PLXDC2: variants seen among roughly 807,000 people sequenced by gnomAD.
PLXDC2 encodes the protein plexin domain containing 2, also known as plexin domain-containing protein 2.
A neutral mutation model predicts 68.9 loss-of-function variants in PLXDC2; 40 were observed. The observed-to-expected ratio is 0.58, with a 90% CI of 0.45 to 0.76. The LOEUF is 0.76. Ranked by LOEUF, PLXDC2 falls within the 30% of genes least tolerant of loss-of-function variation. The probability of loss-of-function intolerance (pLI) is 0.00; values close to 1 mark genes in which losing one functional copy is unlikely to be tolerated. For missense variants in PLXDC2, 644 were observed against 661.9 expected, an observed-to-expected ratio of 0.97 and a Z score of 0.30; for synonymous variants, 243 against 234.2, an observed-to-expected ratio of 1.04 and a Z score of -0.34.
At chr10:19,949,464 AACT>A (rs1310205192) in intron 1 of PLXDC2, among the ~76,000 whole-genome samples, 4 of 152,192 alleles carry the variant, frequency 2.6e-5, no homozygotes, top group East Asian at 1.9e-4. Context: ...GAAAAACTAA[AACT>A]ACTAATAGGA....
chr10:20,131,115 A>C (rs1589645454), intron 4 of PLXDC2, among the ~76,000 whole-genome samples: 4 of 150,838 alleles, frequency 2.7e-5, no homozygotes, highest in Admixed American at 2.6e-4. Flanking sequence ...GGTCCTGAGC[A>C]TCTCTTTGTT....
intron 3 of PLXDC2, among the ~76,000 whole-genome samples, chr10:20,050,545 A>G (rs1303580229): frequency 6.6e-6 from 1 of 152,148 alleles, no homozygotes; most frequent in Non-Finnish European, 1.5e-5. Context: ...GTGGGCAAAG[A>G]CATGAACAGA....
intron 3 of PLXDC2, among the ~76,000 whole-genome samples, chr10:20,047,687 A>G (rs977200612): frequency 6.6e-6 from 1 of 152,140 alleles, no homozygotes; most frequent in African/African-American, 2.4e-5. Flanking sequence ...TAAATAGCCT[A>G]TTCAAGGGCC....
intron 12 of PLXDC2, among the ~76,000 whole-genome samples, chr10:20,234,512 T>C (rs1268714340): frequency 6.6e-6 from 1 of 152,210 alleles, no homozygotes; most frequent in African/African-American, 2.4e-5. Context: ...CAGTGAAATA[T>C]AAGTACCCTG....
chr10:19,850,917 T>C (rs1438730564), intron 1 of PLXDC2, among the ~76,000 whole-genome samples: 1 of 152,180 alleles, frequency 6.6e-6, no homozygotes, highest in African/African-American at 2.4e-5. Flanking sequence ...TGTCATTCAA[T>C]TTGCTTTCAC....
intron 4 of PLXDC2, among the ~76,000 whole-genome samples, chr10:20,095,589 G>A (rs1833339548): frequency 6.6e-6 from 1 of 152,168 alleles, no homozygotes; most frequent in Admixed American, 6.5e-5. Context: ...CCCTGAGGGA[G>A]AGTGGATTAA....
intron 2 of PLXDC2, among the ~76,000 whole-genome samples, chr10:20,011,697 T>C (rs2131644701): frequency 6.6e-6 from 1 of 152,318 alleles, no homozygotes; most frequent in South Asian, 2.1e-4. Flanking sequence ...AATAATGAAT[T>C]GATTGTAGCT....
At chr10:20,154,320 T>C (rs375498617) in intron 6 of PLXDC2, among the ~76,000 whole-genome samples, 2 of 152,192 alleles carry the variant, frequency 1.3e-5, no homozygotes, top group African/African-American at 4.8e-5. Flanking sequence ...ATCCCAGCAC[T>C]TTGGGAGGCC....
intron 1 of PLXDC2, among the ~76,000 whole-genome samples, chr10:19,887,341 C>T (rs1326731615): frequency 2.0e-5 from 3 of 151,978 alleles, no homozygotes; most frequent in African/African-American, 4.8e-5. Flanking sequence ...GCCAATATGG[C>T]AAAACCCTGT....
At chr10:20,052,869 C>T (rs1345404389) in intron 3 of PLXDC2, among the ~76,000 whole-genome samples, 1 of 151,996 alleles carries the variant, frequency 6.6e-6, no homozygotes, top group Non-Finnish European at 1.5e-5. Flanking sequence ...GAAAAGGCAA[C>T]TTCCCACACA....
chr10:19,910,168 T>TTATATATATATATATATA (rs3043811), intron 1 of PLXDC2, among the ~76,000 whole-genome samples: 13 of 145,254 alleles, frequency 8.9e-5, no homozygotes, highest in African/African-American at 3.3e-4. Context: ...TTGTACACTT[T>TTATATATATATATATATA]TATATATATA....
At chr10:19,862,562 C>T (rs191640078) in intron 1 of PLXDC2, among the ~76,000 whole-genome samples, 152 of 152,256 alleles carry the variant, frequency 1.0e-3, no homozygotes, top group African/African-American at 3.6e-3. Flanking sequence ...TTTGTGTTTT[C>T]TTCAAGTTTA....
intron 1 of PLXDC2, among the ~76,000 whole-genome samples, chr10:19,867,788 C>G (rs1215524525): frequency 6.6e-6 from 1 of 152,062 alleles, no homozygotes. Flanking sequence ...GAAGAAAGAT[C>G]TGGTGGAGGT....
chr10:19,945,874 C>T (rs1004271695), intron 1 of PLXDC2, among the ~76,000 whole-genome samples: 20 of 152,166 alleles, frequency 1.3e-4, no homozygotes, highest in African/African-American at 4.3e-4. Flanking sequence ...TTATGCTGTT[C>T]TCTGTTAAGT....
At chr10:20,044,255 TTCTTTCTTTC>T (rs1397395311) in intron 2 of PLXDC2, among the ~76,000 whole-genome samples, 28 of 130,578 alleles carry the variant, frequency 2.1e-4, no homozygotes, top group African/African-American at 8.6e-4. Flanking sequence ...CTTTCTTTCT[TTCTTTCTTTC>T]TTTCTTTCTT....
intron 1 of PLXDC2, among the ~76,000 whole-genome samples, chr10:19,825,039 C>A (rs1363991807): frequency 3.3e-5 from 5 of 152,112 alleles, no homozygotes; most frequent in Admixed American, 6.5e-5. Context: ...GCGCTGGTAC[C>A]TTTACCTTAC....
At chr10:19,993,608 C>T (rs1218999908) in intron 1 of PLXDC2, among the ~76,000 whole-genome samples, 1 of 152,042 alleles carries the variant, frequency 6.6e-6, no homozygotes, top group Non-Finnish European at 1.5e-5. Context: ...TTAGTAGAGA[C>T]TGGCTTTCAC....
chr10:20,260,810 C>G (rs576166528), intron 13 of PLXDC2, among the ~76,000 whole-genome samples: 6 of 152,286 alleles, frequency 3.9e-5, no homozygotes, highest in African/African-American at 1.4e-4. Context: ...ACATTTCCCC[C>G]AACAATGTAC....
At chr10:19,950,903 G>A (rs185372033) in intron 1 of PLXDC2, among the ~76,000 whole-genome samples, 2 of 152,156 alleles carry the variant, frequency 1.3e-5, no homozygotes, top group Non-Finnish European at 2.9e-5. Context: ...AAGGGGAGAA[G>A]GACTGTTCAA....
Sources: allele counts gnomAD v4.1 joint callset (sites outside exome capture counted in the v4.1 genomes callset), GRCh38; gene constraint gnomAD v4.1.1; transcripts MANE v1.5; gene names NCBI Gene and HGNC (gene_info 2026-07-23, HGNC 2026-07-21).